Variants in SYNPR observed in about 807,000 individuals in gnomAD.
SYNPR encodes synaptoporin.
SYNPR carries 23 observed loss-of-function variants against 32.9 expected under a neutral mutation model. That is an observed-to-expected ratio of 0.70 (90% CI 0.50 to 0.99). SYNPR has a LOEUF of 0.99. Among genes scored for constraint, SYNPR ranks in the 50% least tolerant of loss-of-function variants. The pLI, the probability that SYNPR is intolerant of heterozygous loss-of-function variation, is 0.00. For missense variants in SYNPR, 318 were observed against 349.3 expected, an observed-to-expected ratio of 0.91 and a Z score of 0.71; for synonymous variants, 146 against 135.9, an observed-to-expected ratio of 1.07 and a Z score of -0.52.
chr3:63,372,454 GC>G lies in SYNPR; in HGVS notation c.84+93713del, dbSNP rs2107054812. ...TTGCTGCCCCTGGATTGGGGAAGTA[GC>G]AAAGACACTGGGTGCTTTAACCATG... On this transcript the variant is annotated intron_variant, in intron 2 of 5. Coordinates refer to ENST00000478300, the MANE Select transcript of SYNPR (RefSeq NM_001130003.2). 1.3e-5 allele frequency among the ~76,000 whole-genome samples: 2 copies of G among 152,300 alleles called. 1 individual carries two copies. Among genetic ancestry groups the G allele is most frequent in the East Asian group, 3.9e-4 (2 of 5,184 alleles).
At chr3:63,362,431 GT>G (rs1427076316) in intron 2 of SYNPR, among the ~76,000 whole-genome samples, 1 of 151,900 alleles carries the variant, frequency 6.6e-6, no homozygotes, top group Non-Finnish European at 1.5e-5. Flanking sequence ...TAGGAAACAG[GT>G]TTCCTAAGAT....
chr3:63,354,290 T>G (rs1164547337), intron 2 of SYNPR, among the ~76,000 whole-genome samples: 2 of 152,182 alleles, frequency 1.3e-5, no homozygotes, highest in African/African-American at 2.4e-5. Context: ...AAGCAAACCC[T>G]AACTGCAGGG....
intron 2 of SYNPR, among the ~76,000 whole-genome samples, chr3:63,371,749 C>A (rs917511013): frequency 6.6e-6 from 1 of 152,238 alleles, no homozygotes; most frequent in Non-Finnish European, 1.5e-5. Context: ...GGACCTCGGA[C>A]TCTAGCACAA....
intron 3 of SYNPR, among the ~76,000 whole-genome samples, chr3:63,529,205 T>C (rs1246009037): frequency 6.6e-6 from 1 of 152,224 alleles, no homozygotes; most frequent in Non-Finnish European, 1.5e-5. Context: ...CTCAAGTCCC[T>C]AGCATAAAAT....
intron 3 of SYNPR, among the ~76,000 whole-genome samples, chr3:63,524,472 T>C (rs968693829): frequency 1.3e-5 from 2 of 152,046 alleles, no homozygotes; most frequent in Non-Finnish European, 2.9e-5. Flanking sequence ...AACCATATCA[T>C]CCTATATTTT....
chr3:63,558,521 C>T (rs1365828450), intron 4 of SYNPR, among the ~76,000 whole-genome samples: 1 of 151,948 alleles, frequency 6.6e-6, no homozygotes, highest in African/African-American at 2.4e-5. Context: ...TTTGCAGAGA[C>T]AAGGTTTCAT....
chr3:63,291,714 A>G (rs536718551), intron 2 of SYNPR, among the ~76,000 whole-genome samples: 1 of 152,306 alleles, frequency 6.6e-6, no homozygotes, highest in African/African-American at 2.4e-5. Flanking sequence ...GTGAAAAAAA[A>G]AGAATGTTTG....
chr3:63,322,444 A>C (rs1333478554), intron 2 of SYNPR, among the ~76,000 whole-genome samples: 1 of 152,102 alleles, frequency 6.6e-6, no homozygotes, highest in Non-Finnish European at 1.5e-5. Context: ...TCCTGAAGTC[A>C]CATAGTTTAG....
intron 2 of SYNPR, among the ~76,000 whole-genome samples, chr3:63,402,115 C>A (rs374660762): frequency 2.0e-5 from 3 of 152,152 alleles, no homozygotes; most frequent in African/African-American, 7.2e-5. Flanking sequence ...GGCCCTGCAG[C>A]CAGAAGGAGG....
At chr3:63,269,336 A>C (rs764978833) in intron 3 of SYNPR, among the ~76,000 whole-genome samples, 3 of 152,238 alleles carry the variant, frequency 2.0e-5, no homozygotes, top group Admixed American at 1.3e-4. Flanking sequence ...TAAAAATACA[A>C]AAATTAGCTT....
At chr3:63,338,081 T>C (rs1244334219) in intron 2 of SYNPR, among the ~76,000 whole-genome samples, 2 of 152,204 alleles carry the variant, frequency 1.3e-5, no homozygotes, top group Admixed American at 6.5e-5. Context: ...TGGAAGATGT[T>C]AATAATAGGA....
At chr3:63,453,215 A>T (rs1156369175) in intron 2 of SYNPR, among the ~76,000 whole-genome samples, 2 of 152,168 alleles carry the variant, frequency 1.3e-5, no homozygotes, top group African/African-American at 4.8e-5. Context: ...CTAACTGACC[A>T]GTTGTTTGAC....
chr3:63,546,711 A>AT (rs918557511), intron 3 of SYNPR, among the ~76,000 whole-genome samples: 1 of 142,552 alleles, frequency 7.0e-6, no homozygotes, highest in Non-Finnish European at 1.6e-5. Flanking sequence ...ATTTCCTCTT[A>AT]TGAAAAAAAA....
chr3:63,346,538 C>A (rs936514454), intron 2 of SYNPR, among the ~76,000 whole-genome samples: 6 of 152,062 alleles, frequency 3.9e-5, no homozygotes, highest in Non-Finnish European at 8.8e-5. Context: ...GTGGCGTGGT[C>A]TCGGCTCACT....
intron 5 of SYNPR, among the ~76,000 whole-genome samples, chr3:63,611,410 C>T (rs901749161): frequency 5.9e-5 from 9 of 152,120 alleles, no homozygotes; most frequent in Non-Finnish European, 1.2e-4. Context: ...TTACCAAAAG[C>T]AGGGGAAAGG....
Position 63,424,996 on chromosome 3 carries a change from C to G in SYNPR, c.85-55836C>G, listed in dbSNP as rs183261567. Among the ~76,000 whole-genome samples, 205 of 152,290 alleles carry G rather than the reference C, an allele frequency of 1.3e-3. 1 individual carries two copies. Among genetic ancestry groups the G allele is most frequent in the African/African-American group, 4.6e-3 (191 of 41,552 alleles). ...TCTTCCTAGCATATGTGCCCAATCC[C>G]AATCACATTAGATCCATCCTGTTAG... On this transcript the variant is annotated intron_variant, in intron 2 of 5. Coordinates refer to ENST00000478300, the MANE Select transcript of SYNPR (RefSeq NM_001130003.2).
chr3:63,332,966 C>T (rs2087246294), intron 2 of SYNPR, among the ~76,000 whole-genome samples: 1 of 152,042 alleles, frequency 6.6e-6, no homozygotes. Flanking sequence ...ATCCCCCTGC[C>T]CCATCTCCGC....
rs556457466 is a variant in SYNPR at position 63,572,734 on chromosome 3, C to T, written c.408+15993C>T. 7.2e-5 allele frequency among the ~76,000 whole-genome samples: 11 copies of T among 152,286 alleles called. 1 individual carries two copies. In the South Asian group the frequency reaches 2.3e-3, roughly 32 times the overall value. On this transcript the variant is annotated intron_variant, in intron 4 of 5. Coordinates refer to ENST00000478300, the MANE Select transcript of SYNPR (RefSeq NM_001130003.2). ...AAGGTTCTATTAAATCAACCGAAGT[C>T]AAAGCCGATTTCACTCCAGGAACTG...
intron 2 of SYNPR, among the ~76,000 whole-genome samples, chr3:63,341,784 T>G (rs2107002548): frequency 6.6e-6 from 1 of 152,330 alleles, no homozygotes; most frequent in South Asian, 2.1e-4. Context: ...TTTCTCCCAC[T>G]TCATGGCTTG....
Sources: gnomAD v4.1 joint callset for allele counts (sites outside exome capture counted in the v4.1 genomes callset) on GRCh38, gnomAD v4.1.1 for gene constraint, MANE v1.5 for transcripts, NCBI Gene and HGNC (gene_info 2026-07-23, HGNC 2026-07-21) for gene names.